Variants in TLE1 observed in about 807,000 individuals in gnomAD.
The protein encoded by TLE1 is transducin-like enhancer protein 1.
Under a neutral mutation model 89.8 loss-of-function variants are expected in TLE1, and 21 were observed. That is an observed-to-expected ratio of 0.23 (90% CI 0.17 to 0.34). TLE1 has a LOEUF of 0.34. TLE1 is among the 10% of genes least tolerant of loss of function. The pLI is 1.00. For missense variants in TLE1, 795 were observed against 1,031.2 expected (o/e 0.77, Z 3.14); for synonymous variants, 447 against 407.6 (o/e 1.10, Z -1.16).
intron 4 of TLE1, among the ~76,000 whole-genome samples, chr9:81,675,698 G>GTTTTTGTT (rs1832788409): frequency 7.7e-6 from 1 of 129,666 alleles, no homozygotes; most frequent in Non-Finnish European, 1.6e-5. Context: ...ACTCACACTA[G>GTTTTTGTT]TTTTTTTTTG....
chr9:81,649,954 C>G (rs1251633672), intron 6 of TLE1, among the ~76,000 whole-genome samples: 1 of 152,102 alleles, frequency 6.6e-6, no homozygotes, highest in Non-Finnish European at 1.5e-5. Flanking sequence ...TTGAAAAGAG[C>G]CTTCGGACAT....
chr9:81,654,340 C>CAT (rs1044550058), intron 4 of TLE1, among the ~76,000 whole-genome samples: 3 of 151,908 alleles, frequency 2.0e-5, no homozygotes, highest in Non-Finnish European at 2.9e-5. Flanking sequence ...TATATATACA[C>CAT]ATATATATAT....
intron 6 of TLE1, among the ~76,000 whole-genome samples, chr9:81,646,727 A>C (rs1828907109): frequency 1.3e-5 from 2 of 152,226 alleles, no homozygotes; most frequent in Non-Finnish European, 2.9e-5. Context: ...TCAATCTCTT[A>C]GGGATAGACA....
chr9:81,652,138 C>CACACACA, intron 6 of TLE1, 76 bp downstream of exon 6: 1 of 1,417,544 alleles, frequency 7.1e-7, no homozygotes, highest in Non-Finnish European at 9.9e-7. Context: ...CACACACACA[C>CACACACA]GTAAAGCCAT....
intron 8 of TLE1, 34 bp downstream of exon 8, chr9:81,633,314 T>C (rs894956127): frequency 3.5e-6 from 5 of 1,416,248 alleles, no homozygotes; most frequent in Non-Finnish European, 3.8e-6. Context: ...TGTGTGTGTG[T>C]GTGTGTGTGT....
chr9:81,677,256 C>T (rs1833012534), intron 4 of TLE1, among the ~76,000 whole-genome samples: 1 of 143,148 alleles, frequency 7.0e-6, no homozygotes, highest in African/African-American at 2.6e-5. Flanking sequence ...AAAAAAAAGA[C>T]CTTACAAATT....
In TLE1 at chr9:81,666,533, C is replaced by T. The variant is rs368620927; in HGVS notation, c.235-12497G>A. Among the ~76,000 whole-genome samples the T allele has an allele frequency of 4.6e-5, 7 of 151,822 alleles. 1 individual carries two copies. The highest frequency in any genetic ancestry group is 1.7e-4 in the African/African-American group (7 of 41,376). Reference sequence around the variant, plus strand: ...GGCTCACACCTGTAATCCCAGCATTCTGGGAGGCCGAGGCAGGCGGATTAT... The same window carrying T: ...GGCTCACACCTGTAATCCCAGCATTTTGGGAGGCCGAGGCAGGCGGATTAT... On this transcript the variant is annotated intron_variant, in intron 4 of 19. Transcript: ENST00000376499.
At chr9:81,600,724 T>G (rs1360586141) in intron 14 of TLE1, among the ~76,000 whole-genome samples, 1 of 151,960 alleles carries the variant, frequency 6.6e-6, no homozygotes, top group Non-Finnish European at 1.5e-5. Context: ...GAGTGGCTGA[T>G]AAAACTATTT....
At chr9:81,684,148 TAAAA>T (rs202210085) in intron 4 of TLE1, among the ~76,000 whole-genome samples, 4 of 138,744 alleles carry the variant, frequency 2.9e-5, no homozygotes, top group Non-Finnish European at 6.3e-5. Flanking sequence ...CAGAGTAAAT[TAAAA>T]AAAAAAAAAA....
intron 14 of TLE1, among the ~76,000 whole-genome samples, chr9:81,599,187 C>G (rs1325652585): frequency 1.3e-5 from 2 of 152,190 alleles, no homozygotes; most frequent in Non-Finnish European, 2.9e-5. Context: ...AGGGGGCTCA[C>G]TATCCCTTAC....
At chr9:81,647,670 G>A (rs938007926) in intron 6 of TLE1, among the ~76,000 whole-genome samples, 3 of 152,166 alleles carry the variant, frequency 2.0e-5, no homozygotes, top group Non-Finnish European at 4.4e-5. Flanking sequence ...ACATGTTCAG[G>A]GAAGGGTGGG....
chr9:81,685,289 C>G (rs1008577447), intron 4 of TLE1, among the ~76,000 whole-genome samples: 8 of 152,150 alleles, frequency 5.3e-5, no homozygotes, highest in African/African-American at 1.7e-4. Flanking sequence ...TTCTTTCCCC[C>G]CAACAGGTCC....
intron 14 of TLE1, among the ~76,000 whole-genome samples, chr9:81,609,440 C>A (rs889477076): frequency 6.6e-6 from 1 of 152,164 alleles, no homozygotes; most frequent in East Asian, 1.9e-4. Context: ...CAAAACAGAC[C>A]TTCACATTTC....
At chr9:81,589,496 T>A (rs576333836) in intron 16 of TLE1, among the ~76,000 whole-genome samples, 1 of 152,172 alleles carries the variant, frequency 6.6e-6, no homozygotes, top group South Asian at 2.1e-4. Context: ...GCTACCCCAT[T>A]CTATCCAACA....
At chr9:81,604,300 A>C (rs973213119) in intron 14 of TLE1, among the ~76,000 whole-genome samples, 1 of 152,152 alleles carries the variant, frequency 6.6e-6, no homozygotes, top group African/African-American at 2.4e-5. Flanking sequence ...GTGTGGATGG[A>C]AAGGAAGTGA....
intron 9 of TLE1, among the ~76,000 whole-genome samples, chr9:81,619,349 T>G (rs1824947024): frequency 6.6e-6 from 1 of 152,210 alleles, no homozygotes; most frequent in South Asian, 2.1e-4. Flanking sequence ...GGAGGTGGGT[T>G]TGCACATCTT....
chr9:81,665,133 GC>G (rs1284315985), intron 4 of TLE1, among the ~76,000 whole-genome samples: 2 of 152,204 alleles, frequency 1.3e-5, no homozygotes, highest in Non-Finnish European at 2.9e-5. Context: ...CATGAGAGCT[GC>G]CCTCTCACAC....
chr9:81,601,691 A>C (rs1390555092), intron 14 of TLE1, among the ~76,000 whole-genome samples: 2 of 152,192 alleles, frequency 1.3e-5, no homozygotes, highest in Admixed American at 6.5e-5. Flanking sequence ...CTAAAACTAA[A>C]AATGAATTCA....
intron 10 of TLE1, 85 bp from the exon 11 acceptor site, chr9:81,616,219 G>C (rs191256488): frequency 1.3e-6 from 2 of 1,508,726 alleles, no homozygotes; most frequent in East Asian, 4.5e-5. Context: ...CTAAATTTAA[G>C]GACAGAGCTG....
Sources: gnomAD v4.1 joint callset for allele counts (sites outside exome capture counted in the v4.1 genomes callset) on GRCh38, gnomAD v4.1.1 for gene constraint, MANE v1.5 for transcripts, NCBI Gene and HGNC (gene_info 2026-07-23, HGNC 2026-07-21) for gene names.